Variants in PDE7A observed in about 807,000 individuals in gnomAD.
The protein encoded by PDE7A is phosphodiesterase 7A.
Under a neutral mutation model 64.3 loss-of-function variants are expected in PDE7A, and 39 were observed. That is an observed-to-expected ratio of 0.61 (90% confidence interval 0.47 to 0.79). The LOEUF (loss-of-function observed/expected upper bound fraction) is 0.79, where lower values mean the gene tolerates loss of function less well. Among genes scored for constraint, PDE7A ranks in the 30% least tolerant of loss-of-function variants. The pLI, the probability that PDE7A is intolerant of heterozygous loss-of-function variation, is 0.00. For missense variants in PDE7A, 470 were observed against 582.8 expected (o/e 0.81, Z 1.99); for synonymous variants, 203 against 206.8 (o/e 0.98, Z 0.16).
Position 65,747,634 on chromosome 8 carries a change from TAAA to T in PDE7A, c.435+15_435+17del, listed in dbSNP as rs529267967. 1.6e-5 allele frequency: 25 copies of T among 1,545,840 alleles called. No homozygotes were observed. In the East Asian group the frequency reaches 4.8e-4, roughly 29 times the overall value. The stretch of plus-strand genomic sequence containing the variant: ...ACTTATCAAAAAATTAATGTTTTCT[TAAA>T]AAAACTATACACACCTTGGCTTGTC... On this transcript the variant is annotated intron_variant, in intron 4 of 12. Coordinates refer to ENST00000401827, the MANE Select transcript of PDE7A (RefSeq NM_001242318.3).
chr8:65,774,248 G>A (rs1004743052), intron 3 of PDE7A, among the ~76,000 whole-genome samples: 9 of 152,002 alleles, frequency 5.9e-5, no homozygotes, highest in East Asian at 1.9e-4. Context: ...TTACTCTTTC[G>A]TGCTGTTGGA....
intron 1 of PDE7A, among the ~76,000 whole-genome samples, chr8:65,797,282 T>G (rs1278468143): frequency 1.3e-5 from 2 of 152,188 alleles, no homozygotes; most frequent in Non-Finnish European, 2.9e-5. Flanking sequence ...GATGAGGGCA[T>G]ACTGGGTTAG....
At chr8:65,723,276 T>A (rs1167651510) in intron 12 of PDE7A, 1 of 212,060 alleles carries the variant, frequency 4.7e-6, no homozygotes, top group Non-Finnish European at 9.1e-6. Flanking sequence ...AGCTTCCACA[T>A]GAGCGAATAA....
intron 3 of PDE7A, 89 bp from the exon 4 acceptor site, chr8:65,747,892 AT>A (rs907236750): frequency 1.6e-6 from 1 of 633,514 alleles, no homozygotes. Flanking sequence ...ATGTACAAGT[AT>A]TTTTAAAAAT....
chr8:65,763,128 A>G (rs1808595750), intron 3 of PDE7A, among the ~76,000 whole-genome samples: 1 of 152,146 alleles, frequency 6.6e-6, no homozygotes, highest in Non-Finnish European at 1.5e-5. Flanking sequence ...TGTTATGTGT[A>G]CAACCAATAT....
At chr8:65,732,752 A>T (rs1271420605) in intron 7 of PDE7A, among the ~76,000 whole-genome samples, 1 of 152,194 alleles carries the variant, frequency 6.6e-6, no homozygotes, top group Non-Finnish European at 1.5e-5. Context: ...GCTTCAAGTG[A>T]TCCTCTTGCC....
chr8:65,733,161 C>A (rs897136345), intron 7 of PDE7A, among the ~76,000 whole-genome samples: 1 of 152,150 alleles, frequency 6.6e-6, no homozygotes, highest in Non-Finnish European at 1.5e-5. Context: ...TAAGTATTAT[C>A]AGAACTCCAC....
chr8:65,841,540 C>A lies in PDE7A; in HGVS notation c.-32G>T, dbSNP rs746488458. 7.9e-6 allele frequency: 11 copies of A among 1,391,644 alleles called. No homozygotes were observed. The East Asian group carries it at 3.3e-4, about 42-fold the overall frequency. The allele number at this position is 1,391,644 out of a possible 1,614,324, so 86.2% of individuals were successfully genotyped here. A position where few individuals can be genotyped will look rare whatever the true frequency, so the allele number is the denominator to read the frequency against. ...CGCCCGCCCTGCCTCCGCGCGGCGC[C>A]CGCCCTGCCGCGGCCGCCGGCCCCT... On this transcript the variant is annotated 5_prime_UTR_variant, in exon 1 of 13. Coordinates refer to ENST00000401827, the MANE Select transcript of PDE7A (RefSeq NM_001242318.3).
chr8:65,730,675 T>G (rs907741335), intron 7 of PDE7A, among the ~76,000 whole-genome samples: 13 of 151,814 alleles, frequency 8.6e-5, no homozygotes, highest in Non-Finnish European at 8.8e-5. Context: ...TGCCTGTAAT[T>G]CCAGCACTTT....
At chr8:65,740,689 C>T (rs1485817996) in intron 5 of PDE7A, among the ~76,000 whole-genome samples, 1 of 152,186 alleles carries the variant, frequency 6.6e-6, no homozygotes, top group Non-Finnish European at 1.5e-5. Context: ...GCGTGAGCTA[C>T]CACGCCTGGC....
intron 3 of PDE7A, among the ~76,000 whole-genome samples, chr8:65,763,279 A>G (rs528023712): frequency 6.6e-6 from 1 of 152,280 alleles, no homozygotes; most frequent in South Asian, 2.1e-4. Flanking sequence ...AAACCCTATA[A>G]AAAGGTTACA....
At chr8:65,797,482 G>T (rs370802243) in intron 1 of PDE7A, among the ~76,000 whole-genome samples, 12 of 152,272 alleles carry the variant, frequency 7.9e-5, no homozygotes, top group Non-Finnish European at 1.3e-4. Flanking sequence ...ACTGCCTCCG[G>T]GGGGCAAGGC....
In PDE7A at chr8:65,782,765, A is replaced by G. The variant is rs369756990; in HGVS notation, c.199+18T>C. The G allele has an allele frequency of 1.5e-4, 218 of 1,441,148 alleles. No individual in the cohort carries two copies. Among genetic ancestry groups the G allele is most frequent in the Middle Eastern group, 8.8e-4 (5 of 5,704 alleles). The allele number at this position is 1,441,148 out of a possible 1,614,324, so 89.3% of individuals were successfully genotyped here. A position where few individuals can be genotyped will look rare whatever the true frequency, so the allele number is the denominator to read the frequency against. ...TAACAAAATTAACTGATATTGGTAT[A>G]AAATAAATAATGCTTACCTAGCATA... On this transcript the variant is annotated intron_variant, in intron 2 of 12. Coordinates refer to ENST00000401827, the MANE Select transcript of PDE7A (RefSeq NM_001242318.3).
chr8:65,814,571 A>T (rs200153655), intron 1 of PDE7A, among the ~76,000 whole-genome samples: 1 of 129,014 alleles, frequency 7.8e-6, no homozygotes. Context: ...ATACGTACAC[A>T]TATAATACAT....
intron 1 of PDE7A, among the ~76,000 whole-genome samples, chr8:65,785,570 A>G (rs917984243): frequency 5.9e-5 from 9 of 152,218 alleles, no homozygotes; most frequent in African/African-American, 2.2e-4. Flanking sequence ...CCTCCCCAAC[A>G]TATTTAGCTT....
At position 65,714,676 on chromosome 8, in the gene PDE7A, T is replaced by C. The variant is rs1011448331; in HGVS notation, c.*4614A>G. On this transcript the variant is annotated 3_prime_UTR_variant, in exon 13 of 13. Transcript: ENST00000401827. ...TATTTTCTCAATCAGGAGATACCGA[T>C]TGAGGGGATTTTAAACAACATTTAT... The C allele has an allele frequency of 2.0e-5, 3 of 152,174 alleles. No individual in the cohort carries two copies. Among genetic ancestry groups the C allele is most frequent in the Non-Finnish European group, 2.9e-5 (2 of 68,038 alleles). The allele number at this position is 152,174 out of a possible 1,614,324, so 9.4% of individuals were successfully genotyped here.
At chr8:65,818,055 T>G (rs529133106) in intron 1 of PDE7A, among the ~76,000 whole-genome samples, 1 of 152,126 alleles carries the variant, frequency 6.6e-6, no homozygotes, top group Non-Finnish European at 1.5e-5. Context: ...CCCAGCCAGC[T>G]TTTTTGTTAT....
At position 65,718,034 on chromosome 8, in the gene PDE7A, G is replaced by A. The variant is rs1466261938; in HGVS notation, c.*1256C>T. On this transcript the variant is annotated 3_prime_UTR_variant, in exon 13 of 13. Transcript: ENST00000401827. ...ATCAAAAGGCCCGTCAAAGGGTAAC[G>A]TTTCATCAAAGGGAGGGACAAGAAA... 1 of 152,170 alleles carries A rather than the reference G, an allele frequency of 6.6e-6. No individual in the cohort carries two copies. The highest frequency in any genetic ancestry group is 1.5e-5 in the Non-Finnish European group (1 of 68,018). 9.4% of individuals were successfully genotyped at this position (152,170 alleles called of 1,614,324 possible). A position where few individuals can be genotyped will look rare whatever the true frequency, so the allele number is the denominator to read the frequency against.
chr8:65,765,153 T>C (rs1216115620), intron 3 of PDE7A, among the ~76,000 whole-genome samples: 1 of 152,176 alleles, frequency 6.6e-6, no homozygotes, highest in Non-Finnish European at 1.5e-5. Context: ...CCTGCTGCCC[T>C]AGCATGGGAT....
Sources: allele counts gnomAD v4.1 joint callset (sites outside exome capture counted in the v4.1 genomes callset), GRCh38; gene constraint gnomAD v4.1.1; transcripts MANE v1.5; gene names NCBI Gene and HGNC (gene_info 2026-07-23, HGNC 2026-07-21).